GPR19: variants seen among roughly 807,000 people sequenced by gnomAD.
The protein encoded by GPR19 is probable G protein-coupled receptor 19.
Under a neutral mutation model 28.5 loss-of-function variants are expected in GPR19, and 14 were observed. That is an observed-to-expected ratio of 0.49 (90% CI 0.32 to 0.77). The LOEUF (loss-of-function observed/expected upper bound fraction) is 0.77, where lower values mean the gene tolerates loss of function less well. GPR19 is among the 30% of genes least tolerant of loss of function. The probability of loss-of-function intolerance (pLI) is 0.03; values close to 1 mark genes in which losing one functional copy is unlikely to be tolerated. For synonymous variants in GPR19, 173 were observed against 184.1 expected (o/e 0.94, Z 0.49); for missense variants, 409 against 504.1 (o/e 0.81, Z 1.81).
chr12:12,699,978 CTTTTTTTT>C (rs10716814), upstream of GPR19, among the ~76,000 whole-genome samples: 13 of 119,412 alleles, frequency 1.1e-4, no homozygotes, highest in Admixed American at 5.2e-4. Context: ...AGCTTTCTTT[CTTTTTTTT>C]TTTTTTTGTA....
the GPR19 span, among the ~76,000 whole-genome samples, chr12:12,702,712 T>G: frequency 6.6e-6 from 1 of 152,220 alleles, no homozygotes; most frequent in Non-Finnish European, 1.5e-5. Flanking sequence ...TAAAACATCA[T>G]AGTCACATTT....
chr12:12,682,464 G>A (rs2136330468), intron 3 of GPR19, among the ~76,000 whole-genome samples: 1 of 152,312 alleles, frequency 6.6e-6, no homozygotes, highest in East Asian at 1.9e-4. Flanking sequence ...AGTCTTCTCA[G>A]TCTTCATTCA....
At chr12:12,669,518 A>G (rs1191221762) in intron 3 of GPR19, among the ~76,000 whole-genome samples, 2 of 152,154 alleles carry the variant, frequency 1.3e-5, no homozygotes, top group African/African-American at 4.8e-5. Flanking sequence ...TTTACATGTG[A>G]AAATGAGAAA....
At chr12:12,697,242 CAACA>C (rs1946280647), upstream of GPR19, among the ~76,000 whole-genome samples, 2 of 144,732 alleles carry the variant, frequency 1.4e-5, no homozygotes, top group Non-Finnish European at 3.0e-5. Flanking sequence ...AAGCACAAGC[CAACA>C]AACAAATTTT....
At chr12:12,701,980 A>C in the GPR19 span, among the ~76,000 whole-genome samples, 2 of 150,330 alleles carry the variant, frequency 1.3e-5, no homozygotes, top group East Asian at 3.9e-4. Context: ...TCTTTTCCTG[A>C]TCTCTCCTAT....
upstream of GPR19, among the ~76,000 whole-genome samples, chr12:12,699,982 T>C (rs1039531246): frequency 3.3e-5 from 5 of 150,936 alleles, no homozygotes; most frequent in South Asian, 4.2e-4. Context: ...TTCTTTCTTT[T>C]TTTTTTTTTT....
Position 12,661,254 on chromosome 12 carries a change from C to A in GPR19, c.1195G>T (p.Glu399Ter). 1 of 1,610,638 alleles carries A rather than the reference C, an allele frequency of 6.2e-7. No homozygotes were observed. The highest frequency in any genetic ancestry group is 8.5e-7 in the Non-Finnish European group (1 of 1,178,816). ...TTAATGGGCCAAGCAAGCTTTTTTTCCTTGGCTTCTCTGTCAAATGAGTCA... is the reference window on the plus strand; with the variant it reads ...TTAATGGGCCAAGCAAGCTTTTTTTACTTGGCTTCTCTGTCAAATGAGTCA... Reference protein sequence around the residue: ...IYDSFDREAKEKKLAWPINSN... With the variant: ...IYDSFDREAK Residue 399 changes from glutamate (E) to a stop codon, truncating the protein, a stop_gained, in exon 4 of 4, where the codon GAA (glutamate) becomes TAA (stop). Coordinates refer to ENST00000651487, the MANE Select transcript of GPR19 (RefSeq NM_006143.3). LOFTEE classifies it high-confidence loss of function. The surrounding 1 kb of genome is among the most constrained non-coding windows in gnomAD (Gnocchi z 4.2).
intron 2 of GPR19, among the ~76,000 whole-genome samples, chr12:12,694,804 GAT>G (rs1486283054): frequency 2.6e-5 from 4 of 152,128 alleles, no homozygotes; most frequent in Non-Finnish European, 5.9e-5. Context: ...CTCAGAGCTG[GAT>G]GATCCCACTC....
chr12:12,708,256 A>G, the GPR19 span, among the ~76,000 whole-genome samples: 1 of 151,820 alleles, frequency 6.6e-6, no homozygotes, highest in East Asian at 1.9e-4. Flanking sequence ...ACCTCGGCCT[A>G]TTTCCTATCC....
the GPR19 span, chr12:12,717,087 A>C: frequency 2.0e-6 from 2 of 1,010,232 alleles, no homozygotes; most frequent in Non-Finnish European, 2.4e-6. Context: ...GCCCCGCCCC[A>C]GGTTCCCGGC....
At chr12:12,715,162 A>T in the GPR19 span, 1 of 152,262 alleles carries the variant, frequency 6.6e-6, no homozygotes, top group Non-Finnish European at 1.5e-5. Flanking sequence ...GTGTTTATGC[A>T]TATGGATAGA....
chr12:12,716,344 A>C, the GPR19 span, among the ~76,000 whole-genome samples: 2 of 152,184 alleles, frequency 1.3e-5, no homozygotes, highest in African/African-American at 4.8e-5. Flanking sequence ...AGTTTGTTGG[A>C]GCAGTGAAAT....
chr12:12,680,937 C>G (rs570900084), intron 3 of GPR19, among the ~76,000 whole-genome samples: 93 of 152,338 alleles, frequency 6.1e-4, no homozygotes, highest in African/African-American at 1.8e-3. Flanking sequence ...ATTCTGCCCC[C>G]CTCAGCCTCC....
intron 3 of GPR19, among the ~76,000 whole-genome samples, chr12:12,672,672 C>T (rs1163800356): frequency 3.3e-5 from 5 of 151,902 alleles, no homozygotes; most frequent in East Asian, 3.9e-4. Context: ...GCTTGAACCC[C>T]GGAGGCGGAG....
At chr12:12,709,139 G>A in the GPR19 span, among the ~76,000 whole-genome samples, 1 of 152,114 alleles carries the variant, frequency 6.6e-6, no homozygotes, top group Non-Finnish European at 1.5e-5. Flanking sequence ...TGGAGCAAAG[G>A]GGGGGAAATT....
chr12:12,681,960 C>A (rs10845606), intron 3 of GPR19, among the ~76,000 whole-genome samples: 23,753 of 152,140 alleles, frequency 0.16, 2,348 homozygotes, highest in East Asian at 0.3. Context: ...TACTCAAGAT[C>A]CCAGAGTTCC....
At chr12:12,694,976 A>T (rs888204350) in intron 2 of GPR19, among the ~76,000 whole-genome samples, 9 of 152,236 alleles carry the variant, frequency 5.9e-5, no homozygotes, top group Non-Finnish European at 1.3e-4. Flanking sequence ...TTGGTAAGTG[A>T]TTACCATGCC....
the GPR19 span, among the ~76,000 whole-genome samples, chr12:12,706,248 T>C: frequency 6.6e-6 from 1 of 152,252 alleles, no homozygotes; most frequent in Non-Finnish European, 1.5e-5. Flanking sequence ...TCAGTGGCAT[T>C]GGAATCATTT....
chr12:12,665,771 A>G (rs1945764237), intron 3 of GPR19, among the ~76,000 whole-genome samples: 1 of 120,638 alleles, frequency 8.3e-6, no homozygotes, highest in Non-Finnish European at 1.6e-5. Flanking sequence ...CGGGAGGCGG[A>G]GCTTGCAGTG....
Sources: gnomAD v4.1 joint callset for allele counts (sites outside exome capture counted in the v4.1 genomes callset) on GRCh38, gnomAD v4.1.1 for gene constraint, Gnocchi (gnomAD v3.1) non-coding constraint, MANE v1.5 for transcripts, NCBI Gene and HGNC (gene_info 2026-07-23, HGNC 2026-07-21) for gene names.